CALN1: variants seen among roughly 807,000 people sequenced by gnomAD.
CALN1 encodes calcium-binding protein 8.
In CALN1, 17 loss-of-function variants were observed where a neutral mutation model predicts 30.6. The ratio of observed to expected loss-of-function variants is 0.56; its 90% CI spans 0.38 to 0.83. CALN1 has a LOEUF of 0.83. Ranked by LOEUF, CALN1 falls within the 40% of genes least tolerant of loss-of-function variation. The pLI is 0.00. For missense variants in CALN1, 291 were observed against 354.9 expected (o/e 0.82, Z 1.45); for synonymous variants, 156 against 131.4 (o/e 1.19, Z -1.28).
At chr7:72,395,074 C>T (rs564133499) in intron 2 of CALN1, among the ~76,000 whole-genome samples, 8 of 152,274 alleles carry the variant, frequency 5.3e-5, no homozygotes, top group Admixed American at 2.6e-4. Context: ...TATCCTAACA[C>T]ATAAACTCTA....
rs546643668 is a variant in CALN1, at chr7:72,054,231, T to C, written c.389-30462A>G. 3.9e-5 allele frequency among the ~76,000 whole-genome samples: 6 copies of C among 152,030 alleles called. No homozygotes were observed. In the South Asian group the frequency reaches 1.0e-3, roughly 26 times the overall value. The stretch of plus-strand genomic sequence containing the variant: ...TAAGGAATCTCCACACTGTTTTCCG[T>C]AGCGGCTGTACTAGTTTACATTCCC... On this transcript the variant is annotated intron_variant, in intron 4 of 6. Transcript: ENST00000395275.
chr7:72,375,582 AG>A (rs1804507840), intron 2 of CALN1, among the ~76,000 whole-genome samples: 1 of 150,938 alleles, frequency 6.6e-6, no homozygotes, highest in African/African-American at 2.4e-5. Context: ...AAAAAAAAAA[AG>A]AAAAGGAAAA....
intron 1 of CALN1, among the ~76,000 whole-genome samples, chr7:72,434,568 G>A (rs1202060467): frequency 6.6e-6 from 1 of 151,750 alleles, no homozygotes; most frequent in Non-Finnish European, 1.5e-5. Flanking sequence ...AGAGGAAGAG[G>A]AAGAGGAAGA....
chr7:72,474,508 A>G, the CALN1 span, among the ~76,000 whole-genome samples: 2 of 152,184 alleles, frequency 1.3e-5, no homozygotes, highest in African/African-American at 4.8e-5. Flanking sequence ...CAACATAGTC[A>G]AGCCCTGTCT....
At chr7:72,108,296 C>T (rs1807320834) in intron 3 of CALN1, among the ~76,000 whole-genome samples, 1 of 152,238 alleles carries the variant, frequency 6.6e-6, no homozygotes, top group Non-Finnish European at 1.5e-5. Flanking sequence ...ATCTCCCCAT[C>T]TCAAGATTCT....
intron 3 of CALN1, among the ~76,000 whole-genome samples, chr7:72,278,008 C>CA (rs1554348562): frequency 6.1e-5 from 3 of 49,100 alleles, no homozygotes; most frequent in Admixed American, 2.5e-4. Context: ...TCCTCTATTC[C>CA]GGGGGGGGGG....
intron 5 of CALN1, among the ~76,000 whole-genome samples, chr7:71,877,285 T>C (rs1792302292): frequency 6.6e-6 from 1 of 152,200 alleles, no homozygotes; most frequent in Non-Finnish European, 1.5e-5. Flanking sequence ...AAAGCTGTTT[T>C]GAATTGAGTC....
chr7:72,067,921 T>C (rs1035569247), intron 4 of CALN1, among the ~76,000 whole-genome samples: 1 of 152,216 alleles, frequency 6.6e-6, no homozygotes, highest in Non-Finnish European at 1.5e-5. Flanking sequence ...CTTTGCAGAA[T>C]GTTTTAATTT....
chr7:71,875,917 G>T (rs541918279), intron 5 of CALN1, among the ~76,000 whole-genome samples: 1 of 152,274 alleles, frequency 6.6e-6, no homozygotes, highest in African/African-American at 2.4e-5. Flanking sequence ...ATGGTCAGTA[G>T]CAAAGTGTCC....
intron 5 of CALN1, among the ~76,000 whole-genome samples, chr7:72,015,683 A>G (rs912672505): frequency 6.6e-6 from 1 of 152,006 alleles, no homozygotes; most frequent in Non-Finnish European, 1.5e-5. Flanking sequence ...TGCTCAAGAG[A>G]GCCTCCCACC....
In CALN1 at chr7:72,400,580, G is replaced by A. The variant is rs560387740; in HGVS notation, c.119+2671C>T. ...ACATTACATGAGGCGAGATTAAGAA[G>A]GAATCAAGGCCAGGCATCATGGTTC... On this transcript the variant is annotated intron_variant, in intron 2 of 6. Transcript: ENST00000395275. Among the ~76,000 whole-genome samples the A allele has an allele frequency of 1.2e-4, 18 of 152,282 alleles. No homozygotes were observed. In the South Asian group the frequency reaches 1.2e-3, roughly 11 times the overall value.
At chr7:72,132,625 A>G (rs1563084770) in intron 3 of CALN1, among the ~76,000 whole-genome samples, 1 of 152,198 alleles carries the variant, frequency 6.6e-6, no homozygotes, top group Non-Finnish European at 1.5e-5. Context: ...CTGCACAGCC[A>G]GTCTACCAGG....
intron 5 of CALN1, among the ~76,000 whole-genome samples, chr7:71,964,403 T>C (rs557166861): frequency 6.6e-6 from 1 of 152,300 alleles, no homozygotes; most frequent in South Asian, 2.1e-4. Context: ...ACAGCTTGTG[T>C]TAATGAGCTC....
At chr7:72,374,531 CAAAAAAA>C (rs200948574) in intron 2 of CALN1, among the ~76,000 whole-genome samples, 29 of 50,480 alleles carry the variant, frequency 5.7e-4, no homozygotes, top group Admixed American at 9.4e-4. Context: ...ACTCTGTCTC[CAAAAAAA>C]AAAAAAAAAG....
intron 2 of CALN1, among the ~76,000 whole-genome samples, chr7:72,396,262 G>GAAAGAAAAAGAA (rs1805943954): frequency 1.1e-5 from 1 of 88,392 alleles, no homozygotes; most frequent in Non-Finnish European, 2.3e-5. Context: ...AAAAAAGAAA[G>GAAAGAAAAAGAA]AAAAAGAAAA....
intron 4 of CALN1, among the ~76,000 whole-genome samples, chr7:72,075,495 T>TA (rs945090408): frequency 6.6e-6 from 1 of 152,214 alleles, no homozygotes; most frequent in Non-Finnish European, 1.5e-5. Flanking sequence ...ACTGTAGTTT[T>TA]CTGTCTACCG....
chr7:71,958,114 A>C (rs1049321773), intron 5 of CALN1, among the ~76,000 whole-genome samples: 2 of 151,840 alleles, frequency 1.3e-5, no homozygotes, highest in Non-Finnish European at 2.9e-5. Flanking sequence ...AAAAGAAAAA[A>C]AAAGAAAGTG....
chr7:71,955,042 C>T (rs1043781003), intron 5 of CALN1, among the ~76,000 whole-genome samples: 2 of 152,102 alleles, frequency 1.3e-5, no homozygotes, highest in Admixed American at 6.6e-5. Context: ...ATACCCAAGT[C>T]TGGGTAATTT....
At position 72,270,088 on chromosome 7, in the gene CALN1, T is replaced by C. The variant is rs901186915; in HGVS notation, c.244+8598A>G. 1.2e-4 allele frequency among the ~76,000 whole-genome samples: 18 copies of C among 151,976 alleles called. No homozygotes were observed. In the South Asian group the frequency reaches 2.5e-3, roughly 21 times the overall value. Reference sequence around the variant, plus strand: ...TCTAGATCTGAAAAAAATTTGGGTGTTTCCGTGTGTGTGTGTGTGTATGTA... The same window carrying C: ...TCTAGATCTGAAAAAAATTTGGGTGCTTCCGTGTGTGTGTGTGTGTATGTA... On this transcript the variant is annotated intron_variant, in intron 3 of 6. Coordinates refer to ENST00000395275, the MANE Select transcript of CALN1 (RefSeq NM_031468.4).
Sources: allele counts gnomAD v4.1 joint callset (sites outside exome capture counted in the v4.1 genomes callset), GRCh38; gene constraint gnomAD v4.1.1; transcripts MANE v1.5; gene names NCBI Gene and HGNC (gene_info 2026-07-23, HGNC 2026-07-21).